Variants in SLC4A4 observed in about 807,000 individuals in gnomAD.
SLC4A4 encodes the protein electrogenic sodium bicarbonate cotransporter 1.
Under a neutral mutation model 111.5 loss-of-function variants are expected in SLC4A4, and 27 were observed. The observed-to-expected ratio is 0.24, with a 90% CI of 0.18 to 0.33. The LOEUF (loss-of-function observed/expected upper bound fraction) is 0.33, where lower values mean the gene tolerates loss of function less well. SLC4A4 is among the 10% of genes least tolerant of loss of function. The pLI, the probability that SLC4A4 is intolerant of heterozygous loss-of-function variation, is 1.00. For missense variants in SLC4A4, 909 were observed against 1,315.5 expected, an observed-to-expected ratio of 0.69 and a Z score of 4.78; for synonymous variants, 443 against 463.4, an observed-to-expected ratio of 0.96 and a Z score of 0.57.
At chr4:71,141,286 AGC>A (rs1458695497) in intron 2 of SLC4A4, among the ~76,000 whole-genome samples, 7 of 152,174 alleles carry the variant, frequency 4.6e-5, no homozygotes, top group Non-Finnish European at 8.8e-5. Context: ...ATGATCTTAT[AGC>A]CACAGTGATC....
chr4:71,276,061 C>T (rs747850178), intron 3 of SLC4A4, among the ~76,000 whole-genome samples: 2 of 152,162 alleles, frequency 1.3e-5, no homozygotes, highest in Non-Finnish European at 2.9e-5. Flanking sequence ...GATTGAGGAC[C>T]CAAAGAAGGG....
At chr4:71,537,441 GT>G (rs1734649180) in intron 18 of SLC4A4, among the ~76,000 whole-genome samples, 1 of 122,110 alleles carries the variant, frequency 8.2e-6, no homozygotes, top group Non-Finnish European at 1.8e-5. Flanking sequence ...GTGTGTGTGT[GT>G]GTATATATAG....
intron 16 of SLC4A4, among the ~76,000 whole-genome samples, chr4:71,501,543 T>TA (rs1481779498): frequency 6.6e-6 from 1 of 151,624 alleles, no homozygotes; most frequent in Non-Finnish European, 1.5e-5. Flanking sequence ...TGTCTCTTTT[T>TA]AATCACTGAA....
intron 2 of SLC4A4, among the ~76,000 whole-genome samples, chr4:71,139,065 A>G (rs1743927365): frequency 6.7e-6 from 1 of 149,144 alleles, no homozygotes; most frequent in South Asian, 2.1e-4. Flanking sequence ...AAAAAGAATC[A>G]GTGAGTCAAT....
Position 71,570,943 on chromosome 4 carries a change from TAAG to T in SLC4A4, c.*3196_*3198del, listed in dbSNP as rs1257159918. On this transcript the variant is annotated 3_prime_UTR_variant, in exon 26 of 26. Coordinates refer to ENST00000264485, the MANE Select transcript of SLC4A4 (RefSeq NM_001098484.3). ...GGCTGGGGAGAGGACTTAACTGACT[TAAG>T]AAGTAGGAAAACAAAAACCTCTCTC... The T allele has an allele frequency of 3.9e-5, 6 of 152,230 alleles. No homozygotes were observed. The East Asian group carries it at 1.2e-3, about 30-fold the overall frequency. The allele number at this position is 152,230 out of a possible 1,614,324, so 9.4% of individuals were successfully genotyped here.
chr4:71,349,806 A>G (rs1729654968), intron 4 of SLC4A4, 106 bp from the exon 5 acceptor site: 1 of 994,086 alleles, frequency 1.0e-6, no homozygotes. Flanking sequence ...ACAAAAAGAG[A>G]CATTTTGGAA....
intron 22 of SLC4A4, among the ~76,000 whole-genome samples, chr4:71,558,120 C>G (rs1293234316): frequency 6.6e-6 from 1 of 151,934 alleles, no homozygotes; most frequent in East Asian, 1.9e-4. Context: ...CAGCAGTAAA[C>G]TTCTTTGAAC....
chr4:71,181,988 T>C (rs1279596336), intron 2 of SLC4A4, among the ~76,000 whole-genome samples: 1 of 152,218 alleles, frequency 6.6e-6, no homozygotes, highest in Non-Finnish European at 1.5e-5. Flanking sequence ...CCTGGGATAG[T>C]TGGACACCCT....
chr4:71,492,564 G>A (rs1182244369), intron 15 of SLC4A4, among the ~76,000 whole-genome samples: 2 of 151,844 alleles, frequency 1.3e-5, no homozygotes, highest in South Asian at 2.1e-4. Flanking sequence ...TGGTCTATCC[G>A]CTGTTAGATC....
chr4:71,274,070 C>A (rs747805068), intron 3 of SLC4A4, among the ~76,000 whole-genome samples: 25 of 152,116 alleles, frequency 1.6e-4, no homozygotes, highest in Non-Finnish European at 3.2e-4. Context: ...CTACTAATAG[C>A]CTACTGTTGA....
intron 7 of SLC4A4, among the ~76,000 whole-genome samples, chr4:71,421,144 T>C (rs919697124): frequency 1.3e-5 from 2 of 151,224 alleles, no homozygotes; most frequent in Non-Finnish European, 2.9e-5. Context: ...GAGGAAGATC[T>C]ACCAAGCAAA....
At chr4:71,164,441 A>C (rs1315183826) in intron 2 of SLC4A4, among the ~76,000 whole-genome samples, 1 of 152,078 alleles carries the variant, frequency 6.6e-6, no homozygotes, top group East Asian at 1.9e-4. Context: ...CCATTAAAAC[A>C]TGACATAGTA....
At chr4:71,467,012 G>A (rs77581407) in intron 13 of SLC4A4, among the ~76,000 whole-genome samples, 1,854 of 144,668 alleles carry the variant, frequency 0.013, 99 homozygotes, top group East Asian at 0.11. Context: ...CCAGCTCACC[G>A]TCTTTGTTTT....
At chr4:71,395,775 T>C (rs918572660) in intron 6 of SLC4A4, among the ~76,000 whole-genome samples, 1 of 152,224 alleles carries the variant, frequency 6.6e-6, no homozygotes, top group African/African-American at 2.4e-5. Flanking sequence ...GGAAAACTGC[T>C]TTAAATTTAT....
intron 6 of SLC4A4, among the ~76,000 whole-genome samples, chr4:71,391,236 T>G (rs924313601): frequency 2.0e-5 from 3 of 152,110 alleles, no homozygotes; most frequent in Non-Finnish European, 2.9e-5. Context: ...TTATTTTTTG[T>G]GCTACAAATG....
chr4:71,118,335 C>A (rs138061344), intron 2 of SLC4A4, among the ~76,000 whole-genome samples: 200 of 152,152 alleles, frequency 1.3e-3, no homozygotes, highest in African/African-American at 4.7e-3. Flanking sequence ...CACCTTTATC[C>A]TTTTCTTCGA....
chr4:71,167,229 G>A (rs979155256), intron 2 of SLC4A4, among the ~76,000 whole-genome samples: 4 of 152,082 alleles, frequency 2.6e-5, no homozygotes, highest in East Asian at 1.9e-4. Flanking sequence ...ACAGAGAGGT[G>A]GCTTCTCCAT....
At chr4:71,141,879 A>G (rs2096389200) in intron 2 of SLC4A4, among the ~76,000 whole-genome samples, 1 of 152,246 alleles carries the variant, frequency 6.6e-6, no homozygotes, top group African/African-American at 2.4e-5. Flanking sequence ...TTTGGAGAAT[A>G]GAAGAATGAA....
intron 15 of SLC4A4, among the ~76,000 whole-genome samples, chr4:71,491,069 G>A (rs1049427447): frequency 6.6e-6 from 1 of 151,784 alleles, no homozygotes; most frequent in African/African-American, 2.4e-5. Context: ...TGGTTGTTAG[G>A]ATGGGAGTGA....
Sources: allele counts gnomAD v4.1 joint callset (sites outside exome capture counted in the v4.1 genomes callset), GRCh38; gene constraint gnomAD v4.1.1; transcripts MANE v1.5; gene names NCBI Gene and HGNC (gene_info 2026-07-23, HGNC 2026-07-21).